Variants in RAVER2 observed in about 807,000 individuals in gnomAD.
RAVER2 encodes ribonucleoprotein, PTB binding 2.
A neutral mutation model predicts 78.1 loss-of-function variants in RAVER2; 46 were observed. The observed-to-expected ratio is 0.59, with a 90% CI of 0.46 to 0.75. The LOEUF (loss-of-function observed/expected upper bound fraction) is 0.75. RAVER2 is among the 30% of genes least tolerant of loss of function. RAVER2 has a pLI of 0.00. For synonymous variants in RAVER2, 311 were observed against 313.3 expected (o/e 0.99, Z 0.08); for missense variants, 793 against 837.5 (o/e 0.95, Z 0.66).
intron 1 of RAVER2, among the ~76,000 whole-genome samples, chr1:64,752,003 A>G (rs919355744): frequency 5.9e-5 from 9 of 152,214 alleles, no homozygotes; most frequent in Non-Finnish European, 4.4e-5. Flanking sequence ...AAGTCGGAAG[A>G]TCAGATCACC....
intron 4 of RAVER2, among the ~76,000 whole-genome samples, chr1:64,783,720 T>C (rs1344175145): frequency 6.6e-6 from 1 of 152,194 alleles, no homozygotes; most frequent in African/African-American, 2.4e-5. Context: ...TAGTTTCTTT[T>C]AATGCCCTAG....
chr1:64,804,805 A>C, exon 7 of RAVER2: 1 of 1,559,888 alleles, frequency 6.4e-7, no homozygotes, highest in Non-Finnish European at 8.8e-7. Flanking sequence ...CACAACAACA[A>C]TTAATGAAGT....
At chr1:64,749,725 A>G (rs1651645422) in intron 1 of RAVER2, among the ~76,000 whole-genome samples, 1 of 152,184 alleles carries the variant, frequency 6.6e-6, no homozygotes, top group African/African-American at 2.4e-5. Flanking sequence ...TAGCCATTGT[A>G]TATGTGTGTG....
chr1:64,747,264 A>G (rs1651564891), intron 1 of RAVER2, among the ~76,000 whole-genome samples: 1 of 152,154 alleles, frequency 6.6e-6, no homozygotes, highest in South Asian at 2.1e-4. Flanking sequence ...TCCCTTAATT[A>G]TAATGTCTGC....
chr1:64,829,238 T>C (rs1425782843), intron 11 of RAVER2, among the ~76,000 whole-genome samples: 1 of 152,172 alleles, frequency 6.6e-6, no homozygotes, highest in Non-Finnish European at 1.5e-5. Flanking sequence ...GATAACTACA[T>C]GGCAAGAAGA....
chr1:64,772,118 C>T lies in RAVER2; in HGVS notation c.316+3396C>T, dbSNP rs1052138694. On this transcript the variant is annotated intron_variant, in intron 2 of 11. Transcript: ENST00000294428. Reference sequence around the variant, plus strand: ...GGTAATGTAATTAATCCCAAATTCCCTTACAGCCTTTTCTCTGTAGAGTGA... The same window carrying T: ...GGTAATGTAATTAATCCCAAATTCCTTTACAGCCTTTTCTCTGTAGAGTGA... Among the ~76,000 whole-genome samples, 6 of 152,046 alleles carry T rather than the reference C, an allele frequency of 3.9e-5. 1 individual carries two copies. The highest frequency in any genetic ancestry group is 7.4e-5 in the Non-Finnish European group (5 of 67,954).
At chr1:64,813,090 T>C (rs566204851) in intron 10 of RAVER2, among the ~76,000 whole-genome samples, 19 of 152,312 alleles carry the variant, frequency 1.2e-4, no homozygotes, top group Non-Finnish European at 1.8e-4. Context: ...TTTAAACCTA[T>C]AAGTAATCTT....
At chr1:64,802,615 C>T (rs1653300190) in intron 5 of RAVER2, among the ~76,000 whole-genome samples, 1 of 152,170 alleles carries the variant, frequency 6.6e-6, no homozygotes, top group Non-Finnish European at 1.5e-5. Context: ...CTACTCCTAC[C>T]CTCTGCCAAA....
intron 1 of RAVER2, among the ~76,000 whole-genome samples, chr1:64,747,931 C>T (rs1308528128): frequency 2.0e-5 from 3 of 151,972 alleles, no homozygotes; most frequent in African/African-American, 7.3e-5. Flanking sequence ...AGTAGAAACC[C>T]AATAATTTTT....
intron 2 of RAVER2, among the ~76,000 whole-genome samples, chr1:64,775,211 A>G (rs1652428368): frequency 6.6e-6 from 1 of 152,194 alleles, no homozygotes; most frequent in Non-Finnish European, 1.5e-5. Flanking sequence ...GGGAGTCAAT[A>G]TGAAGATATA....
At chr1:64,796,634 T>C (rs1305009729) in intron 5 of RAVER2, among the ~76,000 whole-genome samples, 9 of 152,114 alleles carry the variant, frequency 5.9e-5, no homozygotes, top group Non-Finnish European at 1.0e-4. Context: ...TTCCTGATAT[T>C]TTTGTCTTCT....
At chr1:64,825,912 T>G (rs918776888) in intron 11 of RAVER2, among the ~76,000 whole-genome samples, 1 of 152,174 alleles carries the variant, frequency 6.6e-6, no homozygotes, top group Non-Finnish European at 1.5e-5. Flanking sequence ...GTGCAAAAGA[T>G]TGGATTGGTG....
At chr1:64,793,975 G>A (rs556245739) in intron 5 of RAVER2, among the ~76,000 whole-genome samples, 5 of 152,204 alleles carry the variant, frequency 3.3e-5, no homozygotes, top group African/African-American at 9.6e-5. Context: ...TTTCCAGTTC[G>A]AGGTCATTAC....
chr1:64,814,567 T>C, intron 10 of RAVER2, 137 bp from the exon 11 acceptor site: 1 of 466,706 alleles, frequency 2.1e-6, no homozygotes, highest in Non-Finnish European at 3.0e-6. Flanking sequence ...GATAATGTGC[T>C]GAGTTACAAT....
chr1:64,774,069 G>A (rs1428882446), intron 2 of RAVER2, among the ~76,000 whole-genome samples: 4 of 152,072 alleles, frequency 2.6e-5, no homozygotes, highest in East Asian at 1.9e-4. Context: ...TGTAGATTCT[G>A]GATATATTAG....
intron 11 of RAVER2, among the ~76,000 whole-genome samples, chr1:64,818,380 C>G (rs1168467911): frequency 6.6e-6 from 1 of 151,930 alleles, no homozygotes; most frequent in African/African-American, 2.4e-5. Context: ...ACTAAAAATA[C>G]AAAAAATTAG....
chr1:64,757,136 T>A (rs1194828526), intron 1 of RAVER2, among the ~76,000 whole-genome samples: 1 of 152,274 alleles, frequency 6.6e-6, no homozygotes, highest in East Asian at 1.9e-4. Context: ...AAGGGTCCTA[T>A]GTCCTTTTGA....
intron 3 of RAVER2, among the ~76,000 whole-genome samples, chr1:64,779,506 CTACAAGTCCACAT>C (rs1289848373): frequency 1.3e-5 from 2 of 151,652 alleles, no homozygotes; most frequent in Non-Finnish European, 2.9e-5. Context: ...GTAGCTAGGA[CTACAAGTCCACAT>C]TACTATGCCC....
intron 1 of RAVER2, among the ~76,000 whole-genome samples, chr1:64,751,629 G>A (rs1328866788): frequency 6.6e-6 from 1 of 152,102 alleles, no homozygotes; most frequent in African/African-American, 2.4e-5. Flanking sequence ...CCAGGCTGGA[G>A]TGCAGTGGCT....
Sources: allele counts gnomAD v4.1 joint callset (sites outside exome capture counted in the v4.1 genomes callset), GRCh38; gene constraint gnomAD v4.1.1; transcripts MANE v1.5; gene names NCBI Gene and HGNC (gene_info 2026-07-23, HGNC 2026-07-21).